KAZN: variants seen among roughly 807,000 people sequenced by gnomAD.
KAZN encodes the protein kazrin, periplakin interacting protein.
Under a neutral mutation model 87.4 loss-of-function variants are expected in KAZN, and 40 were observed. The observed-to-expected ratio is 0.46, with a 90% CI of 0.36 to 0.60. KAZN has a LOEUF of 0.60. KAZN is among the 20% of genes least tolerant of loss of function. The pLI, the probability that KAZN is intolerant of heterozygous loss-of-function variation, is 0.00. For missense variants in KAZN, 898 were observed against 1,073.9 expected (o/e 0.84, Z 2.29); for synonymous variants, 466 against 458.3 (o/e 1.02, Z -0.22).
At chr1:14,239,455 CTTTTTT>C (rs386366265) in intron 2 of KAZN, among the ~76,000 whole-genome samples, 2 of 95,708 alleles carry the variant, frequency 2.1e-5, no homozygotes, top group South Asian at 3.9e-4. Context: ...AGTTGGGTTT[CTTTTTT>C]TTTTTTTTTT....
chr1:14,961,943 A>G (rs1347478600), intron 2 of KAZN, among the ~76,000 whole-genome samples: 1 of 152,226 alleles, frequency 6.6e-6, no homozygotes, highest in Non-Finnish European at 1.5e-5. Flanking sequence ...CCCCAGGGAA[A>G]GAGCCAGAAT....
intron 2 of KAZN, among the ~76,000 whole-genome samples, chr1:14,262,289 A>G (rs1482096563): frequency 6.6e-6 from 1 of 152,148 alleles, no homozygotes. Flanking sequence ...AGCAGACCAT[A>G]TAAGTGGTAC....
intron 2 of KAZN, among the ~76,000 whole-genome samples, chr1:14,577,001 G>A (rs1050662232): frequency 5.1e-4 from 77 of 152,130 alleles, no homozygotes; most frequent in African/African-American, 1.9e-3. Flanking sequence ...GGTAAATAGG[G>A]CTTCCCTTTG....
At chr1:13,893,881 T>C (rs1012202553) in intron 1 of KAZN, 1 of 1,155,996 alleles carries the variant, frequency 8.7e-7, no homozygotes, top group African/African-American at 1.6e-5. Flanking sequence ...TTTCTTGATA[T>C]AATGTGGGAT....
intron 1 of KAZN, among the ~76,000 whole-genome samples, chr1:14,880,928 A>C (rs932087479): frequency 6.6e-5 from 10 of 152,150 alleles, no homozygotes; most frequent in Admixed American, 3.3e-4. Flanking sequence ...GCTCGTGCTG[A>C]GGGTTGAGCA....
At chr1:14,140,184 G>A (rs1570844833) in intron 1 of KAZN, among the ~76,000 whole-genome samples, 1 of 152,030 alleles carries the variant, frequency 6.6e-6, no homozygotes, top group South Asian at 2.1e-4. Flanking sequence ...ACAGAGGCAG[G>A]TTTAAATCCT....
At chr1:15,000,516 G>A (rs1159064383) in intron 2 of KAZN, among the ~76,000 whole-genome samples, 1 of 151,734 alleles carries the variant, frequency 6.6e-6, no homozygotes, top group Admixed American at 6.6e-5. Flanking sequence ...ACCTCGGGGG[G>A]TACAGAGGGT....
intron 2 of KAZN, among the ~76,000 whole-genome samples, chr1:14,545,470 C>G (rs1673083041): frequency 6.6e-6 from 1 of 152,130 alleles, no homozygotes; most frequent in Admixed American, 6.5e-5. Context: ...TGTCTCTGTA[C>G]CCACAATACT....
At chr1:13,987,138 T>G (rs1639058012) in intron 1 of KAZN, among the ~76,000 whole-genome samples, 1 of 152,110 alleles carries the variant, frequency 6.6e-6, no homozygotes. Context: ...GAGAGACTTT[T>G]TTGTTGTTGT....
chr1:14,013,384 C>T (rs6657087), intron 1 of KAZN, among the ~76,000 whole-genome samples: 18 of 152,052 alleles, frequency 1.2e-4, no homozygotes, highest in African/African-American at 4.3e-4. Flanking sequence ...TGAAGCCTTG[C>T]GATGAAAACC....
At chr1:14,323,320 T>C (rs888723490) in intron 2 of KAZN, among the ~76,000 whole-genome samples, 5 of 152,102 alleles carry the variant, frequency 3.3e-5, no homozygotes, top group African/African-American at 1.2e-4. Context: ...AATCTGATCA[T>C]GGGGCCAGGA....
chr1:14,091,988 T>C (rs1644006244), intron 1 of KAZN, among the ~76,000 whole-genome samples: 1 of 152,204 alleles, frequency 6.6e-6, no homozygotes, highest in African/African-American at 2.4e-5. Flanking sequence ...TGATTATTGT[T>C]GCTACTGTCA....
intron 2 of KAZN, among the ~76,000 whole-genome samples, chr1:14,522,624 G>A (rs958388754): frequency 3.3e-5 from 5 of 152,190 alleles, no homozygotes; most frequent in African/African-American, 9.7e-5. Flanking sequence ...GGGTGTTGAC[G>A]TGGACTGCCC....
At chr1:14,249,364 A>G (rs1294799441) in intron 2 of KAZN, among the ~76,000 whole-genome samples, 1 of 152,258 alleles carries the variant, frequency 6.6e-6, no homozygotes, top group Non-Finnish European at 1.5e-5. Context: ...TTGCAGAAGG[A>G]TCAAGACAGA....
chr1:15,053,165 C>T (rs533494045), intron 4 of KAZN, among the ~76,000 whole-genome samples: 1 of 152,320 alleles, frequency 6.6e-6, no homozygotes, highest in South Asian at 2.1e-4. Flanking sequence ...CAGGTGGAAG[C>T]AAGGGAGTGG....
chr1:15,085,200 G>A (rs1025387818), intron 8 of KAZN, among the ~76,000 whole-genome samples: 3 of 152,056 alleles, frequency 2.0e-5, no homozygotes, highest in African/African-American at 7.2e-5. Flanking sequence ...AACTAAAGGA[G>A]AAATTGCTGT....
At chr1:14,475,936 T>A (rs1668698546) in intron 2 of KAZN, among the ~76,000 whole-genome samples, 1 of 152,158 alleles carries the variant, frequency 6.6e-6, no homozygotes, top group Admixed American at 6.5e-5. Flanking sequence ...TCTTGATAAA[T>A]CCTGATTGAA....
chr1:14,401,223 G>A (rs1663381174), intron 2 of KAZN, among the ~76,000 whole-genome samples: 1 of 152,134 alleles, frequency 6.6e-6, no homozygotes, highest in Non-Finnish European at 1.5e-5. Context: ...AATATTCCAA[G>A]TAGAAAAGAT....
intron 1 of KAZN, among the ~76,000 whole-genome samples, chr1:13,978,187 C>T (rs1043881343): frequency 2.7e-5 from 4 of 148,728 alleles, no homozygotes; most frequent in Non-Finnish European, 5.9e-5. Context: ...ATATGTGCGG[C>T]GCAAGACTCA....
Sources: gnomAD v4.1 joint callset for allele counts (sites outside exome capture counted in the v4.1 genomes callset) on GRCh38, gnomAD v4.1.1 for gene constraint, MANE v1.5 for transcripts, NCBI Gene and HGNC (gene_info 2026-07-23, HGNC 2026-07-21) for gene names.